USP34: variants seen among roughly 807,000 people sequenced by gnomAD.
USP34 encodes the protein ubiquitin specific peptidase 34, also known as ubiquitin carboxyl-terminal hydrolase 34.
A neutral mutation model predicts 460.3 loss-of-function variants in USP34; 70 were observed. The observed-to-expected ratio is 0.15, with a 90% CI of 0.13 to 0.19. The LOEUF is 0.19. Ranked by LOEUF, USP34 falls within the 10% of genes least tolerant of loss-of-function variation. The pLI, the probability that USP34 is intolerant of heterozygous loss-of-function variation, is 1.00. For missense variants in USP34, 3,985 were observed against 4,236.2 expected (o/e 0.94, Z 1.65); for synonymous variants, 1,647 against 1,405.3 (o/e 1.17, Z -3.85).
chr2:61,393,250 G>A (rs937884087), intron 5 of USP34, among the ~76,000 whole-genome samples: 3 of 151,720 alleles, frequency 2.0e-5, no homozygotes, highest in Admixed American at 1.3e-4. Context: ...AGCCAACATG[G>A]TGAAACCCAA....
At chr2:61,402,561 T>C (rs188521389) in intron 3 of USP34, among the ~76,000 whole-genome samples, 2 of 152,318 alleles carry the variant, frequency 1.3e-5, no homozygotes, top group Admixed American at 6.5e-5. Context: ...TGTAGGCCAG[T>C]TGCTTCTTCT....
At chr2:61,213,132 C>A (rs755930587) in intron 68 of USP34, among the ~76,000 whole-genome samples, 1 of 152,108 alleles carries the variant, frequency 6.6e-6, no homozygotes, top group Admixed American at 6.6e-5. Context: ...CCTCCCACCT[C>A]AGCCTCCCAA....
intron 62 of USP34, among the ~76,000 whole-genome samples, chr2:61,225,572 C>G (rs1687702834): frequency 6.6e-6 from 1 of 151,938 alleles, no homozygotes; most frequent in Non-Finnish European, 1.5e-5. Flanking sequence ...CCTCTATCCA[C>G]TGGAAACCAT....
At chr2:61,282,617 C>T (rs1004645821) in intron 37 of USP34, among the ~76,000 whole-genome samples, 2 of 151,906 alleles carry the variant, frequency 1.3e-5, no homozygotes, top group Non-Finnish European at 1.5e-5. Flanking sequence ...AGCGAGACCC[C>T]GTCTCTACAA....
At chr2:61,315,057 T>A (rs559447603) in intron 23 of USP34, 83 bp from the exon 24 acceptor site, 1 of 1,025,342 alleles carries the variant, frequency 9.8e-7, no homozygotes, top group Non-Finnish European at 1.4e-6. Context: ...AAAGTAAAAA[T>A]CATAGGCAAC....
intron 69 of USP34, among the ~76,000 whole-genome samples, chr2:61,209,399 T>C (rs932474876): frequency 2.0e-5 from 3 of 152,110 alleles, no homozygotes; most frequent in Admixed American, 2.0e-4. Context: ...GCCTTGAAAA[T>C]AGTTTATAAA....
intron 34 of USP34, 148 bp downstream of exon 34, chr2:61,288,529 A>G: frequency 1.3e-6 from 1 of 760,050 alleles, no homozygotes; most frequent in Non-Finnish European, 2.1e-6. Context: ...ACTGCTTCAT[A>G]ATCACTACTG....
chr2:61,226,874 G>C (rs904914320), intron 62 of USP34, 193 bp downstream of exon 62: 1 of 662,566 alleles, frequency 1.5e-6, no homozygotes, highest in Non-Finnish European at 2.2e-6. Flanking sequence ...AGAAAAAACT[G>C]AAATTCTTAT....
intron 10 of USP34, among the ~76,000 whole-genome samples, chr2:61,357,837 A>G (rs912852469): frequency 6.6e-6 from 1 of 152,146 alleles, no homozygotes; most frequent in Non-Finnish European, 1.5e-5. Context: ...CAGAAGGTTA[A>G]GATTACAACA....
intron 43 of USP34, among the ~76,000 whole-genome samples, chr2:61,260,192 T>C (rs1688837476): frequency 6.6e-6 from 1 of 152,212 alleles, no homozygotes; most frequent in Non-Finnish European, 1.5e-5. Flanking sequence ...ATCTTTACTC[T>C]TTCTGGAACA....
Position 61,187,925 on chromosome 2 carries a change from G to C in USP34, c.*177C>G, listed in dbSNP as rs970239950. On this transcript the variant is annotated 3_prime_UTR_variant, in exon 80 of 80. Coordinates refer to ENST00000398571, the MANE Select transcript of USP34 (RefSeq NM_014709.4). ...GCCCTTTAGGAAGTATACTGAAGAT[G>C]CAAGTTTTTTTCATCTGGAGTTCTG... 1.4e-6 allele frequency: 2 copies of C among 1,429,836 alleles called. No individual in the cohort carries two copies. Among genetic ancestry groups the C allele is most frequent in the Non-Finnish European group, 1.8e-6 (2 of 1,089,800 alleles). 88.6% of individuals were successfully genotyped at this position (1,429,836 alleles called of 1,614,324 possible). A position where few individuals can be genotyped will look rare whatever the true frequency, so the allele number is the denominator to read the frequency against.
At chr2:61,222,684 T>A in intron 64 of USP34, 21 bp from the exon 65 acceptor site, 1 of 1,606,510 alleles carries the variant, frequency 6.2e-7, no homozygotes, top group Non-Finnish European at 8.5e-7. Context: ...AAGAGGAGGA[T>A]TTCAGGATAT....
intron 1 of USP34, among the ~76,000 whole-genome samples, chr2:61,429,748 C>T (rs1435980198): frequency 6.6e-6 from 1 of 152,182 alleles, no homozygotes; most frequent in Non-Finnish European, 1.5e-5. Flanking sequence ...AGAATACCAA[C>T]CAGATGTAAG....
At chr2:61,421,400 A>G (rs959144660) in intron 1 of USP34, among the ~76,000 whole-genome samples, 2 of 152,212 alleles carry the variant, frequency 1.3e-5, no homozygotes, top group African/African-American at 4.8e-5. Flanking sequence ...GCTTGAGAAC[A>G]TTCAGTTCTC....
chr2:61,306,939 A>G (rs1489133947), intron 27 of USP34, among the ~76,000 whole-genome samples: 2 of 152,178 alleles, frequency 1.3e-5, no homozygotes, highest in Non-Finnish European at 2.9e-5. Context: ...TAGAAATACC[A>G]TTTGACCCAG....
At chr2:61,365,327 G>GTA (rs1183863553) in intron 10 of USP34, among the ~76,000 whole-genome samples, 3 of 139,912 alleles carry the variant, frequency 2.1e-5, no homozygotes, top group East Asian at 2.1e-4. Flanking sequence ...GTGTGTGTGT[G>GTA]TATATATGTA....
At chr2:61,404,926 A>G (rs964454654) in intron 3 of USP34, among the ~76,000 whole-genome samples, 10 of 152,134 alleles carry the variant, frequency 6.6e-5, no homozygotes, top group African/African-American at 2.2e-4. Context: ...CTTAACTTAC[A>G]AAAGAAAATA....
intron 1 of USP34, among the ~76,000 whole-genome samples, chr2:61,458,285 G>C (rs1445143819): frequency 6.6e-6 from 1 of 152,122 alleles, no homozygotes; most frequent in Non-Finnish European, 1.5e-5. Context: ...TACAGGCCAG[G>C]CACGGGGGTT....
rs1300457041 is a variant in USP34 at position 61,241,600 on chromosome 2, C to T, written c.6737G>A (p.Gly2246Asp). 1 of 1,610,474 alleles carries T rather than the reference C, an allele frequency of 6.2e-7. No individual in the cohort carries two copies. Among genetic ancestry groups the T allele is most frequent in the Non-Finnish European group, 8.5e-7 (1 of 1,179,042 alleles). Residue 2246 changes from glycine to aspartate, a missense_variant, in exon 53 of 80, where the codon GGC becomes GAC. By Grantham distance (94) the Gly-to-Asp change is moderately conservative. This residue lies in a region of USP34 where 604 missense variants were observed against 684.8 expected (regional missense o/e 0.88). Transcript: ENST00000398571. ...CGAAACATCAAATTTGTATTCTCTG[C>T]CATTTTCTTCCTCTGGTTCCATGCG... ...YKRMEPEEENGREYKFDVSSE... is the reference protein window; with the variant it reads ...YKRMEPEEENDREYKFDVSSE...
Sources: gnomAD v4.1 joint callset for allele counts (sites outside exome capture counted in the v4.1 genomes callset) on GRCh38, gnomAD v4.1.1 for gene constraint, gnomAD v4.1.1 regional missense constraint, MANE v1.5 for transcripts, NCBI Gene and HGNC (gene_info 2026-07-23, HGNC 2026-07-21) for gene names.